The following MTHFD1 variants were observed in gnomAD, a reference collection of about 807,000 sequenced individuals.
The protein encoded by MTHFD1 is C-1-tetrahydrofolate synthase, cytoplasmic.
Under a neutral mutation model 110.3 loss-of-function variants are expected in MTHFD1, and 44 were observed. The ratio of observed to expected loss-of-function variants is 0.40; its 90% CI spans 0.31 to 0.51. The LOEUF (loss-of-function observed/expected upper bound fraction) is 0.51. MTHFD1 is among the 20% of genes least tolerant of loss of function. The probability of loss-of-function intolerance (pLI) is 0.60; values close to 1 mark genes in which losing one functional copy is unlikely to be tolerated. For synonymous variants in MTHFD1, 402 were observed against 428.8 expected (o/e 0.94, Z 0.77); for missense variants, 909 against 1,173.1 (o/e 0.77, Z 3.29).
In MTHFD1 at chr14:64,449,575, A is replaced by G. The variant is rs748649972; in HGVS notation, c.2410A>G (p.Arg804Gly). 1 of 1,614,240 alleles carries G rather than the reference A, an allele frequency of 6.2e-7. No homozygotes were observed. Among genetic ancestry groups the G allele is most frequent in the Non-Finnish European group, 8.5e-7 (1 of 1,180,040 alleles). Residue 804 changes from arginine to glycine, a missense_variant, in exon 24 of 28, where the codon AGA becomes GGA. By Grantham distance (125) the Arg-to-Gly change is moderately radical. Coordinates refer to ENST00000652337, the MANE Select transcript of MTHFD1 (RefSeq NM_005956.4). ...GALALAQAVQ[R>G]AAQAPSSFQL... is the part of the protein sequence containing the mutation. ...CTTAGCCCTGGCTCAGGCCGTCCAG[A>G]GAGCAGCACAAGCACCCAGCAGCTT...
chr14:64,423,813 G>GC lies in MTHFD1; in HGVS notation c.728-985dup, dbSNP rs2078095531. Among the ~76,000 whole-genome samples, 3 of 151,350 alleles carry GC rather than the reference G, an allele frequency of 2.0e-5. No individual in the cohort carries two copies. The South Asian group carries it at 6.3e-4, about 32-fold the overall frequency. The stretch of plus-strand genomic sequence containing the variant: ...GCAATCTCCGCTCACTGCAAGCTCC[G>GC]CCCCCCGGGTTCATGCCATTCTCCT... On this transcript the variant is annotated intron_variant, in intron 8 of 27. Transcript: ENST00000652337.
At chr14:64,448,191 T>C (rs374928974) in intron 22 of MTHFD1, 26 bp from the exon 23 acceptor site, 63 of 1,551,752 alleles carry the variant, frequency 4.1e-5, no homozygotes, top group Non-Finnish European at 5.4e-5. Flanking sequence ...TCTGATCTCA[T>C]AGGCCTTTCA....
chr14:64,421,836 A>G (rs939951242), intron 8 of MTHFD1, among the ~76,000 whole-genome samples: 1 of 152,092 alleles, frequency 6.6e-6, no homozygotes, highest in Non-Finnish European at 1.5e-5. Flanking sequence ...CATGTTAGCC[A>G]GGATGGTCTC....
chr14:64,438,257 T>C (rs1442262935), intron 16 of MTHFD1, among the ~76,000 whole-genome samples: 1 of 152,176 alleles, frequency 6.6e-6, no homozygotes, highest in Admixed American at 6.5e-5. Flanking sequence ...AATCATTTGG[T>C]CTTTTTGGTG....
intron 15 of MTHFD1, among the ~76,000 whole-genome samples, chr14:64,433,749 G>C (rs2078181187): frequency 6.8e-6 from 1 of 147,200 alleles, no homozygotes; most frequent in Non-Finnish European, 1.5e-5. Flanking sequence ...GAGATGAGGA[G>C]GCCAGGCGTG....
At position 64,441,373 on chromosome 14, in the gene MTHFD1, T is replaced by C. The variant is rs376626744; in HGVS notation, c.1816-12T>C. ...CTGGTGGGAGTTGATGCTGCACACA[T>C]TTGTTTTGTAGGGGGTGAGTGGTGC... On this transcript the variant is annotated splice_polypyrimidine_tract_variant and intron_variant, in intron 18 of 27. Transcript: ENST00000652337. 1.9e-6 allele frequency: 3 copies of C among 1,613,434 alleles called. No homozygotes were observed. Among genetic ancestry groups the C allele is most frequent in the African/African-American group, 1.3e-5 (1 of 74,852 alleles).
At chr14:64,447,630 T>C (rs1427603437) in intron 22 of MTHFD1, among the ~76,000 whole-genome samples, 2 of 151,988 alleles carry the variant, frequency 1.3e-5, no homozygotes, top group African/African-American at 4.8e-5. Flanking sequence ...TTCCTAAAGA[T>C]AGTATTTATC....
At chr14:64,449,657 G>A (rs778624344) in intron 24 of MTHFD1, 35 bp downstream of exon 24, 1 of 1,609,438 alleles carries the variant, frequency 6.2e-7, no homozygotes, top group Non-Finnish European at 8.5e-7. Context: ...AAAGAAAAAA[G>A]ACGAAAAGGG....
At chr14:64,400,330 G>T (rs577153808) in intron 1 of MTHFD1, among the ~76,000 whole-genome samples, 8 of 151,684 alleles carry the variant, frequency 5.3e-5, no homozygotes, top group South Asian at 2.1e-4. Flanking sequence ...GGAGGTTGTG[G>T]TAAGCTGAGA....
intron 26 of MTHFD1, among the ~76,000 whole-genome samples, chr14:64,457,224 CT>C (rs1339699092): frequency 5.9e-5 from 9 of 152,216 alleles, no homozygotes; most frequent in African/African-American, 1.7e-4. Context: ...GGCAGCTCAG[CT>C]AGCAAGACTG....
intron 15 of MTHFD1, among the ~76,000 whole-genome samples, chr14:64,434,942 CTCTTT>C (rs2078192263): frequency 7.6e-6 from 1 of 131,884 alleles, no homozygotes; most frequent in African/African-American, 3.1e-5. Flanking sequence ...GAAGCTCTCC[CTCTTT>C]TCTTTTTTTT....
chr14:64,454,891 A>C lies in MTHFD1; in HGVS notation c.2718+16A>C, dbSNP rs1425515260. The C allele has an allele frequency of 1.2e-6, 2 of 1,613,856 alleles. No individual in the cohort carries two copies. The highest frequency in any genetic ancestry group is 1.7e-6 in the Non-Finnish European group (2 of 1,179,724). ...AGTAGGAACGGTAAGTGCATGCTGC[A>C]AGGGAGTAGTGGGCGCATCTGCACT... On this transcript the variant is annotated intron_variant, in intron 26 of 27. Transcript: ENST00000652337.
chr14:64,456,125 G>T (rs1328170143), intron 26 of MTHFD1, among the ~76,000 whole-genome samples: 1 of 152,212 alleles, frequency 6.6e-6, no homozygotes, highest in Non-Finnish European at 1.5e-5. Flanking sequence ...TGAAGAAAAG[G>T]GTAACAGTAG....
intron 16 of MTHFD1, among the ~76,000 whole-genome samples, chr14:64,436,288 G>T (rs1391630915): frequency 1.3e-5 from 2 of 152,028 alleles, no homozygotes; most frequent in African/African-American, 2.4e-5. Context: ...TAGAGACAGG[G>T]TTTCACCATG....
intron 1 of MTHFD1, among the ~76,000 whole-genome samples, chr14:64,392,665 T>C (rs1013979766): frequency 2.6e-5 from 4 of 152,184 alleles, no homozygotes; most frequent in Non-Finnish European, 5.9e-5. Flanking sequence ...TGTGCATCAC[T>C]GGGTCATGCA....
rs1053695641 is a variant in MTHFD1 at position 64,388,415 on chromosome 14, A to T, written c.-13A>T. On this transcript the variant is annotated 5_prime_UTR_variant, in exon 1 of 28. Coordinates refer to ENST00000652337, the MANE Select transcript of MTHFD1 (RefSeq NM_005956.4). ...TGGTGGTGTCCATCGTGGGCAGCGGACTAATAAAGGCCATGGCGCCAGCAG... is the reference window on the plus strand; with the variant it reads ...TGGTGGTGTCCATCGTGGGCAGCGGTCTAATAAAGGCCATGGCGCCAGCAG... 6.2e-7 allele frequency: 1 copy of T among 1,614,126 alleles called. No homozygotes were observed. The highest frequency in any genetic ancestry group is 8.5e-7 in the Non-Finnish European group (1 of 1,180,032).
At chr14:64,397,183 A>G (rs2077862843) in intron 1 of MTHFD1, among the ~76,000 whole-genome samples, 1 of 13,634 alleles carries the variant, frequency 7.3e-5, no homozygotes, top group Non-Finnish European at 1.3e-4. Flanking sequence ...ATATATATAT[A>G]TATATATAAA....
intron 2 of MTHFD1, among the ~76,000 whole-genome samples, chr14:64,408,216 A>C (rs936008765): frequency 1.3e-5 from 2 of 151,296 alleles, no homozygotes; most frequent in African/African-American, 4.9e-5. Flanking sequence ...AGTGTCCCTA[A>C]CCTGTTCTGG....
chr14:64,398,701 G>A (rs531969013), intron 1 of MTHFD1, among the ~76,000 whole-genome samples: 11 of 152,298 alleles, frequency 7.2e-5, no homozygotes, highest in South Asian at 6.2e-4. Context: ...TTTTTGTGAC[G>A]TGTGGAGAAG....
Sources: gnomAD v4.1 joint callset for allele counts (sites outside exome capture counted in the v4.1 genomes callset) on GRCh38, gnomAD v4.1.1 for gene constraint, MANE v1.5 for transcripts, NCBI Gene and HGNC (gene_info 2026-07-23, HGNC 2026-07-21) for gene names.